IL1RAPL1: variants seen among roughly 807,000 people sequenced by gnomAD.
The protein encoded by IL1RAPL1 is interleukin-1 receptor accessory protein-like 1.
Under a neutral mutation model 48.4 loss-of-function variants are expected in IL1RAPL1, and 3 were observed. That is an observed-to-expected ratio of 0.06 (90% CI 0.03 to 0.16). The LOEUF (loss-of-function observed/expected upper bound fraction) is 0.16, where lower values mean the gene tolerates loss of function less well. Ranked by LOEUF, IL1RAPL1 falls within the 10% of genes least tolerant of loss-of-function variation. The probability of loss-of-function intolerance (pLI) is 1.00; values close to 1 mark genes in which losing one functional copy is unlikely to be tolerated. For synonymous variants in IL1RAPL1, 185 were observed against 187.7 expected (o/e 0.99, Z 0.12); for missense variants, 349 against 530.6 (o/e 0.66, Z 3.36).
chrX:28,975,713 A>G (rs939042642), intron 2 of IL1RAPL1, among the ~76,000 whole-genome samples: 52 of 112,488 alleles, frequency 4.6e-4, no homozygotes, highest in Middle Eastern at 9.2e-3. Flanking sequence ...AAAGAGATAT[A>G]CAGTAAGTAA....
chrX:29,514,074 ATAT>A (rs1935421221), intron 5 of IL1RAPL1, among the ~76,000 whole-genome samples: 1 of 111,501 alleles, frequency 9.0e-6, no homozygotes, highest in Non-Finnish European at 1.9e-5. Context: ...TTGGTTCATA[ATAT>A]TATCACAATT....
intron 6 of IL1RAPL1, among the ~76,000 whole-genome samples, chrX:29,756,835 A>T (rs1406767724): frequency 8.9e-6 from 1 of 112,258 alleles, no homozygotes; most frequent in Non-Finnish European, 1.9e-5. Flanking sequence ...TAATTAGTTA[A>T]GGTGAGGTTA....
chrX:29,749,750 A>G (rs897238488), intron 6 of IL1RAPL1, among the ~76,000 whole-genome samples: 5 of 112,172 alleles, frequency 4.5e-5, no homozygotes, highest in African/African-American at 9.7e-5. Context: ...AACAGAAAAC[A>G]TCATGTGCTA....
intron 2 of IL1RAPL1, among the ~76,000 whole-genome samples, chrX:29,058,792 C>G (rs757498168): frequency 8.9e-6 from 1 of 112,036 alleles, no homozygotes; most frequent in Non-Finnish European, 1.9e-5. Flanking sequence ...TCTCCTACAG[C>G]TGTTCTACTT....
chrX:28,787,594 T>G (rs1159558667), intron 1 of IL1RAPL1, among the ~76,000 whole-genome samples: 1 of 111,786 alleles, frequency 8.9e-6, no homozygotes, highest in Non-Finnish European at 1.9e-5. Context: ...TATTACAAAT[T>G]CACTGATTTT....
intron 3 of IL1RAPL1, among the ~76,000 whole-genome samples, chrX:29,305,894 A>G (rs1932609481): frequency 8.9e-6 from 1 of 112,562 alleles, no homozygotes; most frequent in Non-Finnish European, 1.9e-5. Context: ...GAATAATAGC[A>G]TTATAGAAAT....
At chrX:29,406,592 A>G (rs186818239) in intron 5 of IL1RAPL1, among the ~76,000 whole-genome samples, 23 of 111,919 alleles carry the variant, frequency 2.1e-4, no homozygotes, top group Admixed American at 2.0e-3. Context: ...CTGGAAAGTA[A>G]AGGCAAAAGC....
intron 5 of IL1RAPL1, among the ~76,000 whole-genome samples, chrX:29,595,143 T>C (rs1467776031): frequency 8.9e-6 from 1 of 112,361 alleles, no homozygotes; most frequent in African/African-American, 3.2e-5. Flanking sequence ...TTGATGAACA[T>C]TTACATTTGG....
intron 1 of IL1RAPL1, among the ~76,000 whole-genome samples, chrX:28,648,351 G>A (rs1471254008): frequency 9.0e-6 from 1 of 111,669 alleles, no homozygotes; most frequent in Non-Finnish European, 1.9e-5. Flanking sequence ...CTTATTAGCA[G>A]TAGAACCATG....
At chrX:29,501,794 A>AG (rs1490081443) in intron 5 of IL1RAPL1, among the ~76,000 whole-genome samples, 4 of 48,965 alleles carry the variant, frequency 8.2e-5, no homozygotes, top group Non-Finnish European at 6.9e-5. Flanking sequence ...TGCTTATTTG[A>AG]GTTTTTTTTT....
intron 2 of IL1RAPL1, among the ~76,000 whole-genome samples, chrX:29,253,087 A>T (rs1379795481): frequency 1.8e-5 from 2 of 111,258 alleles, no homozygotes; most frequent in Non-Finnish European, 3.8e-5. Context: ...ACCTCTCTCA[A>T]AAATGACAAG....
intron 3 of IL1RAPL1, among the ~76,000 whole-genome samples, chrX:29,307,996 A>T (rs193250445): frequency 8.9e-6 from 1 of 112,221 alleles, no homozygotes; most frequent in East Asian, 2.8e-4. Flanking sequence ...GAGGACACAA[A>T]TATTCAGTCC....
At chrX:29,634,090 T>C (rs1488786856) in intron 5 of IL1RAPL1, among the ~76,000 whole-genome samples, 1 of 111,561 alleles carries the variant, frequency 9.0e-6, no homozygotes, top group Non-Finnish European at 1.9e-5. Context: ...ATGAGATAGG[T>C]TCAAGATTTT....
At chrX:29,357,608 T>G (rs1933322039) in intron 3 of IL1RAPL1, among the ~76,000 whole-genome samples, 1 of 112,151 alleles carries the variant, frequency 8.9e-6, no homozygotes, top group Non-Finnish European at 1.9e-5. Context: ...TCTGTTTTTA[T>G]CAACTATTGA....
At chrX:29,857,427 A>C (rs1931496828) in intron 6 of IL1RAPL1, among the ~76,000 whole-genome samples, 1 of 112,074 alleles carries the variant, frequency 8.9e-6, no homozygotes, top group Non-Finnish European at 1.9e-5. Flanking sequence ...GTCTATGTCC[A>C]TATTTCTAAC....
At chrX:29,562,367 A>G (rs1292997922) in intron 5 of IL1RAPL1, among the ~76,000 whole-genome samples, 3 of 110,972 alleles carry the variant, frequency 2.7e-5, no homozygotes, top group African/African-American at 9.8e-5. Flanking sequence ...TGAGAGACAT[A>G]GAGGGTACTC....
chrX:29,830,049 T>A (rs1930837997), intron 6 of IL1RAPL1, among the ~76,000 whole-genome samples: 1 of 112,529 alleles, frequency 8.9e-6, no homozygotes, highest in Admixed American at 9.4e-5. Context: ...ATTTTGAGTT[T>A]GACATTTCAA....
intron 2 of IL1RAPL1, among the ~76,000 whole-genome samples, chrX:28,861,137 C>T (rs370434350): frequency 1.3e-4 from 15 of 111,462 alleles, no homozygotes; most frequent in African/African-American, 4.6e-4. Flanking sequence ...AGCATTAATA[C>T]TTTTCCTTAA....
Position 29,690,889 on chromosome X carries a change from A to G in IL1RAPL1, c.778+22385A>G, listed in dbSNP as rs1005431738. On this transcript the variant is annotated intron_variant, in intron 6 of 10. Transcript: ENST00000378993. ...CTTCATCTTTCTGCTGTTAATTCAC[A>G]TTATTCTCCTTCTATCCAGGGAAAG... Among the ~76,000 whole-genome samples the G allele has an allele frequency of 2.7e-5, 3 of 111,899 alleles. No homozygotes were observed. The Admixed American group carries it at 2.9e-4, about 11-fold the overall frequency.
Sources: gnomAD v4.1 joint callset for allele counts (sites outside exome capture counted in the v4.1 genomes callset) on GRCh38, gnomAD v4.1.1 for gene constraint, MANE v1.5 for transcripts, NCBI Gene and HGNC (gene_info 2026-07-23, HGNC 2026-07-21) for gene names.